Variants in EFCAB11 observed in about 807,000 individuals in gnomAD.
EFCAB11 encodes EF-hand calcium binding domain 11.
In EFCAB11, 14 loss-of-function variants were observed where a neutral mutation model predicts 23.0. The ratio of observed to expected loss-of-function variants is 0.61; its 90% CI spans 0.40 to 0.95. EFCAB11 has a LOEUF of 0.95. Among genes scored for constraint, EFCAB11 ranks in the 40% least tolerant of loss-of-function variants. The pLI, the probability that EFCAB11 is intolerant of heterozygous loss-of-function variation, is 0.00. For synonymous variants in EFCAB11, 65 were observed against 66.6 expected, an observed-to-expected ratio of 0.98 and a Z score of 0.11; for missense variants, 198 against 195.8, an observed-to-expected ratio of 1.01 and a Z score of -0.07.
chr14:89,855,424 CATG>C (rs1887724118), intron 5 of EFCAB11, among the ~76,000 whole-genome samples: 1 of 151,958 alleles, frequency 6.6e-6, no homozygotes, highest in Admixed American at 6.6e-5. Flanking sequence ...TGCAGTGAGC[CATG>C]ATCGTGCCTC....
chr14:89,930,683 A>C (rs1189614608), intron 5 of EFCAB11, among the ~76,000 whole-genome samples: 1 of 152,246 alleles, frequency 6.6e-6, no homozygotes, highest in Non-Finnish European at 1.5e-5. Context: ...CAGAGCAACA[A>C]GAAAAGGGGC....
intron 5 of EFCAB11, among the ~76,000 whole-genome samples, chr14:89,839,410 C>G (rs1483768472): frequency 6.6e-6 from 1 of 152,122 alleles, no homozygotes; most frequent in Non-Finnish European, 1.5e-5. Flanking sequence ...AGTGGTCAGA[C>G]TGTGAGCCTG....
At chr14:89,824,197 T>C (rs1376902241) in intron 5 of EFCAB11, among the ~76,000 whole-genome samples, 1 of 152,060 alleles carries the variant, frequency 6.6e-6, no homozygotes, top group East Asian at 1.9e-4. Flanking sequence ...ACATACTTGT[T>C]CAGAGAAAAA....
chr14:89,823,151 C>T (rs532360407), intron 5 of EFCAB11, among the ~76,000 whole-genome samples: 12 of 152,094 alleles, frequency 7.9e-5, no homozygotes, highest in African/African-American at 2.7e-4. Context: ...AAGAGGAGGT[C>T]GAAGAGACTC....
In EFCAB11 at chr14:89,953,964, A is replaced by C. The variant is rs1387899065; in HGVS notation, c.113T>G (p.Leu38Arg). 8 of 1,613,678 alleles carry C rather than the reference A, an allele frequency of 5.0e-6. No individual in the cohort carries two copies. Among genetic ancestry groups the C allele is most frequent in the Non-Finnish European group, 5.9e-6 (7 of 1,180,006 alleles). Residue 38 changes from leucine to arginine, a missense_variant, in exon 2 of 6, where the codon CTC becomes CGC. Physicochemically the swap from Leu to Arg is moderately radical, Grantham distance 102. Coordinates refer to ENST00000316738, the MANE Select transcript of EFCAB11 (RefSeq NM_145231.4). ...KACDEDHKGYLSREDFKTAVV... is the reference protein window; with the variant it reads ...KACDEDHKGYRSREDFKTAVV... The stretch of plus-strand genomic sequence containing the variant: ...AGCAGTTTTAAAGTCCTCTCTGCTG[A>C]GATATCCTTTGTGATCTTCATCACA...
chr14:89,879,804 C>T (rs915937615), intron 5 of EFCAB11, among the ~76,000 whole-genome samples: 1 of 152,018 alleles, frequency 6.6e-6, no homozygotes, highest in Non-Finnish European at 1.5e-5. Flanking sequence ...TCAGCTTGAC[C>T]CACTCTGAGT....
intron 5 of EFCAB11, among the ~76,000 whole-genome samples, chr14:89,835,918 G>T (rs895065614): frequency 6.6e-6 from 1 of 152,122 alleles, no homozygotes; most frequent in Non-Finnish European, 1.5e-5. Context: ...GTGAGCCACT[G>T]CACCTGGCCC....
At chr14:89,951,010 A>G (rs1049342778) in intron 2 of EFCAB11, among the ~76,000 whole-genome samples, 1 of 151,870 alleles carries the variant, frequency 6.6e-6, no homozygotes, top group African/African-American at 2.4e-5. Context: ...GAGCAACCAC[A>G]TGGAAACCAA....
rs1035496759 is a variant in EFCAB11 at position 89,826,633 on chromosome 14, T to C, written c.411-29309A>G. 4.6e-5 allele frequency among the ~76,000 whole-genome samples: 7 copies of C among 151,872 alleles called. No homozygotes were observed. The East Asian group carries it at 7.7e-4, about 17-fold the overall frequency. ...TATAGTAGGATGGTAGAGGTGGAGATAAAAAGAAGTGAAATAATTTGAGAT... is the reference window on the plus strand; with the variant it reads ...TATAGTAGGATGGTAGAGGTGGAGACAAAAAGAAGTGAAATAATTTGAGAT... On this transcript the variant is annotated intron_variant, in intron 5 of 5. Coordinates refer to ENST00000316738, the MANE Select transcript of EFCAB11 (RefSeq NM_145231.4).
At chr14:89,867,524 T>C (rs1173623598) in intron 5 of EFCAB11, among the ~76,000 whole-genome samples, 2 of 152,240 alleles carry the variant, frequency 1.3e-5, no homozygotes, top group Non-Finnish European at 2.9e-5. Flanking sequence ...TTACGGCTGC[T>C]CTGCCTCCAG....
rs191692720 is a variant in EFCAB11 at position 89,905,073 on chromosome 14, T to G, written c.410+26468A>C. The stretch of plus-strand genomic sequence containing the variant: ...CCTGCTGGGAAGAGAGCCAAGTCAC[T>G]TTACACAGGTGCATGCACAGGGATG... On this transcript the variant is annotated intron_variant, in intron 5 of 5. Coordinates refer to ENST00000316738, the MANE Select transcript of EFCAB11 (RefSeq NM_145231.4). 1.3e-3 allele frequency among the ~76,000 whole-genome samples: 205 copies of G among 152,252 alleles called. 1 individual carries two copies. The highest frequency in any genetic ancestry group is 4.7e-3 in the African/African-American group (196 of 41,550).
At chr14:89,800,188 TAAAC>T (rs55693480) in intron 5 of EFCAB11, among the ~76,000 whole-genome samples, 43,554 of 149,850 alleles carry the variant, frequency 0.29, 6,796 homozygotes, top group East Asian at 0.59. Context: ...CTCAATCTCG[TAAAC>T]AAACAAACAA....
chr14:89,927,547 A>C (rs752086792), intron 5 of EFCAB11, among the ~76,000 whole-genome samples: 1 of 152,202 alleles, frequency 6.6e-6, no homozygotes, highest in Non-Finnish European at 1.5e-5. Context: ...GGAAACATTA[A>C]ATAATTTTGC....
At chr14:89,916,818 T>A (rs1349124513) in intron 5 of EFCAB11, among the ~76,000 whole-genome samples, 1 of 152,190 alleles carries the variant, frequency 6.6e-6, no homozygotes, top group Non-Finnish European at 1.5e-5. Context: ...TTATGAGGAA[T>A]CCTAACAATA....
At chr14:89,942,323 GT>G (rs1444617162) in intron 3 of EFCAB11, among the ~76,000 whole-genome samples, 1 of 152,134 alleles carries the variant, frequency 6.6e-6, no homozygotes, top group Non-Finnish European at 1.5e-5. Context: ...CATGATAACT[GT>G]TCAGGAAATG....
intron 3 of EFCAB11, among the ~76,000 whole-genome samples, chr14:89,944,265 G>A (rs1382597607): frequency 6.6e-6 from 1 of 152,160 alleles, no homozygotes; most frequent in African/African-American, 2.4e-5. Flanking sequence ...CTTGTGCTGG[G>A]GAACTTCTCT....
chr14:89,813,986 TCTGA>T lies in EFCAB11; in HGVS notation c.411-16666_411-16663del, dbSNP rs1284823688. ...CTGCTCTCTTTCAGTGACTACATGG[TCTGA>T]CTATTTGACTCGTTTGACACTCTTT... On this transcript the variant is annotated intron_variant, in intron 5 of 5. Coordinates refer to ENST00000316738, the MANE Select transcript of EFCAB11 (RefSeq NM_145231.4). Among the ~76,000 whole-genome samples the T allele has an allele frequency of 2.6e-5, 4 of 152,006 alleles. 1 individual carries two copies. Among genetic ancestry groups the T allele is most frequent in the Admixed American group, 2.0e-4 (3 of 15,254 alleles).
intron 5 of EFCAB11, among the ~76,000 whole-genome samples, chr14:89,928,416 A>G (rs754345918): frequency 3.3e-5 from 5 of 152,078 alleles, no homozygotes; most frequent in Non-Finnish European, 7.4e-5. Flanking sequence ...TTAATATTTT[A>G]TAAGTGAGCA....
At position 89,794,959 on chromosome 14, in the gene EFCAB11, A is replaced by G; in HGVS notation, c.*2284T>C. On this transcript the variant is annotated 3_prime_UTR_variant, in exon 6 of 6. Transcript: ENST00000316738. ...TAAAGTCCATGCTTGATTTGTTTCT[A>G]CTTAATGTCTTTTTTTTTTTTTTTT... The G allele has an allele frequency of 7.7e-6, 1 of 130,322 alleles. No individual in the cohort carries two copies. Among genetic ancestry groups the G allele is most frequent in the African/African-American group, 2.9e-5 (1 of 34,962 alleles). The allele number at this position is 130,322 out of a possible 1,614,324, so 8.1% of individuals were successfully genotyped here. A position where few individuals can be genotyped will look rare whatever the true frequency, so the allele number is the denominator to read the frequency against.
Sources: gnomAD v4.1 joint callset for allele counts (sites outside exome capture counted in the v4.1 genomes callset) on GRCh38, gnomAD v4.1.1 for gene constraint, MANE v1.5 for transcripts, NCBI Gene and HGNC (gene_info 2026-07-23, HGNC 2026-07-21) for gene names.